Variants in ARMH3 observed in about 807,000 individuals in gnomAD.
The protein encoded by ARMH3 is armadillo like helical domain containing 3, also known as armadillo-like helical domain-containing protein 3.
In ARMH3, 60 loss-of-function variants were observed where a neutral mutation model predicts 99.1. That is an observed-to-expected ratio of 0.61 (90% CI 0.49 to 0.75). ARMH3 has a LOEUF of 0.75. ARMH3 is among the 30% of genes least tolerant of loss of function. The probability of loss-of-function intolerance (pLI) is 0.00; values close to 1 mark genes in which losing one functional copy is unlikely to be tolerated. For missense variants in ARMH3, 679 were observed against 843.1 expected, an observed-to-expected ratio of 0.81 and a Z score of 2.41; for synonymous variants, 285 against 292.8, an observed-to-expected ratio of 0.97 and a Z score of 0.27.
At position 102,002,035 on chromosome 10, in the gene ARMH3, T is replaced by C; in HGVS notation, c.1086A>G (p.Val362=). 1 of 1,614,212 alleles carries C rather than the reference T, an allele frequency of 6.2e-7. No homozygotes were observed. Among genetic ancestry groups the C allele is most frequent in the Non-Finnish European group, 8.5e-7 (1 of 1,180,036 alleles). The change falls in exon 15 of 26, where the codon GTA becomes GTG. Residue 362 remains valine (V), a synonymous_variant. Coordinates refer to ENST00000370033, the MANE Select transcript of ARMH3 (RefSeq NM_024541.3). ...AGGTTATCAGTAGATTACTGGTCTG[T>C]ACATCTGCATCCAGTGGGAGTTCCA... is the stretch of plus-strand genomic sequence containing the variant. ...SSVELPLDAD[V]QTSNLLITFL...
chr10:101,861,711 C>CA (rs1228838082), intron 24 of ARMH3, among the ~76,000 whole-genome samples: 2 of 126,818 alleles, frequency 1.6e-5, no homozygotes, highest in Non-Finnish European at 3.2e-5. Flanking sequence ...GGCTGGGCAA[C>CA]AGAGCGAGAC....
chr10:102,025,477 G>T (rs1247461367), intron 5 of ARMH3, among the ~76,000 whole-genome samples: 2 of 152,136 alleles, frequency 1.3e-5, no homozygotes, highest in Non-Finnish European at 2.9e-5. Context: ...GCTATATTGA[G>T]AAAAATGCTT....
intron 1 of ARMH3, among the ~76,000 whole-genome samples, chr10:102,049,312 C>T (rs1468365665): frequency 1.3e-5 from 2 of 152,110 alleles, no homozygotes; most frequent in African/African-American, 2.4e-5. Context: ...GAGGCTGAGG[C>T]GGGCGGATCA....
intron 23 of ARMH3, among the ~76,000 whole-genome samples, chr10:101,901,087 T>C (rs1387602295): frequency 6.6e-6 from 1 of 150,902 alleles, no homozygotes; most frequent in Non-Finnish European, 1.5e-5. Context: ...GGCATATGAA[T>C]CCTAAACTAG....
chr10:101,853,111 G>A (rs890673886), intron 24 of ARMH3, among the ~76,000 whole-genome samples: 12 of 146,876 alleles, frequency 8.2e-5, no homozygotes, highest in East Asian at 6.0e-4. Context: ...GGCTGGTCTC[G>A]AACTCCTGAT....
At chr10:101,893,414 C>T (rs2067741193) in intron 23 of ARMH3, among the ~76,000 whole-genome samples, 1 of 151,818 alleles carries the variant, frequency 6.6e-6, no homozygotes, top group Non-Finnish European at 1.5e-5. Context: ...CCTGTCTCAA[C>T]TGAACTAGAG....
chr10:101,894,576 G>C (rs1033518609), intron 23 of ARMH3, among the ~76,000 whole-genome samples: 1 of 152,160 alleles, frequency 6.6e-6, no homozygotes, highest in African/African-American at 2.4e-5. Flanking sequence ...CTCTTGGCGG[G>C]AGAAAGATAA....
chr10:101,902,489 G>A (rs2068004960), intron 23 of ARMH3, among the ~76,000 whole-genome samples: 1 of 152,102 alleles, frequency 6.6e-6, no homozygotes, highest in South Asian at 2.1e-4. Context: ...AATGTCACTT[G>A]TGGCACTTCT....
intron 2 of ARMH3, among the ~76,000 whole-genome samples, chr10:102,038,984 C>T (rs894579430): frequency 4.6e-5 from 7 of 151,826 alleles, no homozygotes; most frequent in Admixed American, 2.6e-4. Context: ...TCAAGAGATC[C>T]ACCCACTCAG....
chr10:102,045,198 G>A (rs1020554223), intron 1 of ARMH3, among the ~76,000 whole-genome samples: 8 of 150,626 alleles, frequency 5.3e-5, no homozygotes, highest in African/African-American at 1.2e-4. Context: ...GTACAGATCC[G>A]ACATTTATTC....
intron 24 of ARMH3, among the ~76,000 whole-genome samples, chr10:101,856,624 AG>A (rs1479129121): frequency 6.6e-6 from 1 of 152,230 alleles, no homozygotes; most frequent in Non-Finnish European, 1.5e-5. Context: ...TGGAATCAGA[AG>A]GAAAAAAAGA....
chr10:101,911,372 G>A (rs1352439729), intron 23 of ARMH3, among the ~76,000 whole-genome samples: 1 of 152,220 alleles, frequency 6.6e-6, no homozygotes, highest in Non-Finnish European at 1.5e-5. Flanking sequence ...GGAGCAGGAA[G>A]TGTAGATGAT....
intron 24 of ARMH3, among the ~76,000 whole-genome samples, chr10:101,878,157 T>C (rs2067314748): frequency 6.6e-6 from 1 of 151,502 alleles, no homozygotes; most frequent in Non-Finnish European, 1.5e-5. Flanking sequence ...ACTCGGGAGG[T>C]TACGATAGGA....
intron 18 of ARMH3, among the ~76,000 whole-genome samples, chr10:101,991,206 G>C (rs980534763): frequency 1.3e-5 from 2 of 152,186 alleles, no homozygotes; most frequent in African/African-American, 4.8e-5. Flanking sequence ...CTAATTCCCT[G>C]AGGAAAATGC....
chr10:102,051,625 G>C (rs1487750351), intron 1 of ARMH3, among the ~76,000 whole-genome samples: 2 of 152,186 alleles, frequency 1.3e-5, no homozygotes, highest in African/African-American at 4.8e-5. Flanking sequence ...CATAGCTTGT[G>C]TGCTCTAGAC....
chr10:101,970,495 T>C (rs189161417), intron 20 of ARMH3, among the ~76,000 whole-genome samples: 12 of 152,322 alleles, frequency 7.9e-5, no homozygotes, highest in African/African-American at 2.4e-4. Context: ...ATCCATTTAT[T>C]TGTTCATCCA....
chr10:101,863,858 C>T (rs1404162054), intron 24 of ARMH3, among the ~76,000 whole-genome samples: 4 of 151,914 alleles, frequency 2.6e-5, no homozygotes, highest in Non-Finnish European at 4.4e-5. Context: ...GTCAAGAGTT[C>T]GAGACTGGCC....
chr10:101,861,465 G>T (rs536565010), intron 24 of ARMH3, among the ~76,000 whole-genome samples: 92 of 152,238 alleles, frequency 6.0e-4, no homozygotes, highest in African/African-American at 2.1e-3. Flanking sequence ...GGGCACAGTG[G>T]TTCACACCTC....
At chr10:101,866,471 A>G in intron 24 of ARMH3, among the ~76,000 whole-genome samples, 1 of 146,240 alleles carries the variant, frequency 6.8e-6, no homozygotes, top group East Asian at 2.0e-4. Flanking sequence ...AATCCAGTGT[A>G]AGGACAAGTG....
Sources: gnomAD v4.1 joint callset for allele counts (sites outside exome capture counted in the v4.1 genomes callset) on GRCh38, gnomAD v4.1.1 for gene constraint, MANE v1.5 for transcripts, NCBI Gene and HGNC (gene_info 2026-07-23, HGNC 2026-07-21) for gene names.